CACNB4: variants seen among roughly 807,000 people sequenced by gnomAD.
CACNB4 encodes calcium voltage-gated channel auxiliary subunit beta 4.
CACNB4 carries 32 observed loss-of-function variants against 71.2 expected under a neutral mutation model. The observed-to-expected ratio is 0.45, with a 90% confidence interval of 0.34 to 0.60. CACNB4 has a LOEUF of 0.60. Ranked by LOEUF, CACNB4 falls within the 20% of genes least tolerant of loss-of-function variation. The pLI is 0.01. For synonymous variants in CACNB4, 231 were observed against 236.9 expected, an observed-to-expected ratio of 0.97 and a Z score of 0.23; for missense variants, 464 against 647.9, an observed-to-expected ratio of 0.72 and a Z score of 3.08.
chr2:151,938,261 T>C (rs1330085519), intron 2 of CACNB4, among the ~76,000 whole-genome samples: 1 of 152,248 alleles, frequency 6.6e-6, no homozygotes, highest in East Asian at 1.9e-4. Context: ...AATGTGCTAA[T>C]AGAGCCACCT....
intron 12 of CACNB4, 83 bp downstream of exon 12, chr2:151,853,365 T>C (rs2099839520): frequency 6.7e-6 from 5 of 743,264 alleles, no homozygotes; most frequent in Non-Finnish European, 1.1e-5. Context: ...CATTTTAGAA[T>C]GAAAACAACA....
At chr2:152,099,077 G>T (rs901234571), upstream of CACNB4, 6 of 1,125,324 alleles carry the variant, frequency 5.3e-6, no homozygotes, top group South Asian at 1.5e-5. Flanking sequence ...CCGAGGCTGG[G>T]CTGCGGACGG....
chr2:151,982,444 T>G (rs185213260), intron 2 of CACNB4, among the ~76,000 whole-genome samples: 1 of 151,916 alleles, frequency 6.6e-6, no homozygotes, highest in Non-Finnish European at 1.5e-5. Flanking sequence ...CCATCCTGGC[T>G]AACACAGTGA....
intron 2 of CACNB4, among the ~76,000 whole-genome samples, chr2:152,077,753 C>A (rs1298781247): frequency 6.6e-6 from 1 of 151,890 alleles, no homozygotes; most frequent in African/African-American, 2.4e-5. Context: ...TAAAGAAAAC[C>A]CGAGACTGAG....
intron 2 of CACNB4, among the ~76,000 whole-genome samples, chr2:151,975,910 C>T (rs921843219): frequency 6.6e-6 from 1 of 152,204 alleles, no homozygotes; most frequent in African/African-American, 2.4e-5. Context: ...AAGACAGAGG[C>T]AGCCCACTTT....
chr2:151,960,662 A>C (rs1392173640), intron 2 of CACNB4, among the ~76,000 whole-genome samples: 1 of 152,210 alleles, frequency 6.6e-6, no homozygotes, highest in Admixed American at 6.5e-5. Context: ...TCCTTGGCCA[A>C]CTGGTCCACC....
At chr2:151,864,769 G>T (rs1025124218) in intron 9 of CACNB4, among the ~76,000 whole-genome samples, 2 of 152,120 alleles carry the variant, frequency 1.3e-5, no homozygotes, top group South Asian at 2.1e-4. Context: ...AGCAAATAAG[G>T]TTATATATAA....
chr2:151,948,158 T>C (rs1326969071), intron 2 of CACNB4, among the ~76,000 whole-genome samples: 1 of 151,682 alleles, frequency 6.6e-6, no homozygotes, highest in Non-Finnish European at 1.5e-5. Flanking sequence ...CATTTTTTTC[T>C]TAGAGATCTA....
At chr2:151,935,124 A>G (rs1054516528) in intron 2 of CACNB4, among the ~76,000 whole-genome samples, 2 of 152,184 alleles carry the variant, frequency 1.3e-5, no homozygotes, top group Non-Finnish European at 2.9e-5. Context: ...CTAAGGTAGA[A>G]CTCTTAGAAC....
intron 2 of CACNB4, among the ~76,000 whole-genome samples, chr2:152,043,735 G>T (rs1392194564): frequency 1.3e-5 from 2 of 152,132 alleles, no homozygotes; most frequent in South Asian, 4.1e-4. Flanking sequence ...TTTGTGGCAA[G>T]ATGTCTCAAA....
At chr2:151,959,736 C>A (rs2099869172) in intron 2 of CACNB4, among the ~76,000 whole-genome samples, 1 of 151,932 alleles carries the variant, frequency 6.6e-6, no homozygotes, top group South Asian at 2.1e-4. Flanking sequence ...GTGGGAGGAA[C>A]AATTTTTTAG....
intron 2 of CACNB4, among the ~76,000 whole-genome samples, chr2:151,986,833 C>G (rs946000944): frequency 1.3e-5 from 2 of 152,192 alleles, no homozygotes; most frequent in African/African-American, 2.4e-5. Context: ...CCAGACTAAT[C>G]TCTTACTGGG....
intron 2 of CACNB4, among the ~76,000 whole-genome samples, chr2:151,993,129 G>A (rs1231771729): frequency 6.7e-6 from 1 of 148,278 alleles, no homozygotes; most frequent in East Asian, 2.0e-4. Flanking sequence ...GTCAGAGTCA[G>A]AGACAGTAAG....
intron 2 of CACNB4, among the ~76,000 whole-genome samples, chr2:151,933,566 A>G (rs2099862147): frequency 6.6e-6 from 1 of 152,154 alleles, no homozygotes; most frequent in South Asian, 2.1e-4. Context: ...TCACACAACT[A>G]GAAGCCTGGA....
chr2:151,928,499 C>T (rs1208329572), intron 2 of CACNB4, among the ~76,000 whole-genome samples: 3 of 152,218 alleles, frequency 2.0e-5, no homozygotes, highest in Non-Finnish European at 4.4e-5. Flanking sequence ...CAAGGGATTA[C>T]ACCCTGATTA....
intron 2 of CACNB4, among the ~76,000 whole-genome samples, chr2:151,917,095 T>C (rs1040100170): frequency 6.6e-6 from 1 of 152,226 alleles, no homozygotes; most frequent in Non-Finnish European, 1.5e-5. Context: ...CAAACAAATA[T>C]AGCTTTCCTT....
chr2:151,916,496 G>C (rs538022918), intron 2 of CACNB4, among the ~76,000 whole-genome samples: 1 of 151,888 alleles, frequency 6.6e-6, no homozygotes, highest in African/African-American at 2.4e-5. Context: ...AAAAAAAAGA[G>C]AATGTCATAG....
intron 2 of CACNB4, among the ~76,000 whole-genome samples, chr2:151,888,554 G>C (rs554569346): frequency 1.1e-4 from 16 of 152,166 alleles, no homozygotes; most frequent in Non-Finnish European, 2.1e-4. Flanking sequence ...CACAGAACAA[G>C]ACCCTGTCTC....
At chr2:152,059,405 A>G (rs1270439927) in intron 2 of CACNB4, among the ~76,000 whole-genome samples, 1 of 152,236 alleles carries the variant, frequency 6.6e-6, no homozygotes, top group Admixed American at 6.5e-5. Context: ...GTGGGAGCCC[A>G]CCTCTTGCAA....
Sources: allele counts gnomAD v4.1 joint callset (sites outside exome capture counted in the v4.1 genomes callset), GRCh38; gene constraint gnomAD v4.1.1; transcripts MANE v1.5; gene names NCBI Gene and HGNC (gene_info 2026-07-23, HGNC 2026-07-21).